Variants in COG6 observed in about 807,000 individuals in gnomAD.
The protein encoded by COG6 is conserved oligomeric Golgi complex subunit 6.
In COG6, 74 loss-of-function variants were observed where a neutral mutation model predicts 88.8. That is an observed-to-expected ratio of 0.83 (90% CI 0.69 to 1.01). The LOEUF (loss-of-function observed/expected upper bound fraction) is 1.01. Among genes scored for constraint, COG6 ranks in the 50% least tolerant of loss-of-function variants. The probability of loss-of-function intolerance (pLI) is 0.00; values close to 1 mark genes in which losing one functional copy is unlikely to be tolerated. For synonymous variants in COG6, 286 were observed against 278.7 expected, an observed-to-expected ratio of 1.03 and a Z score of -0.26; for missense variants, 800 against 797.9, an observed-to-expected ratio of 1.00 and a Z score of -0.03.
At chr13:39,777,444 A>G (rs1881497515) in intron 18 of COG6, among the ~76,000 whole-genome samples, 1 of 152,186 alleles carries the variant, frequency 6.6e-6, no homozygotes, top group South Asian at 2.1e-4. Flanking sequence ...GAAACTACAT[A>G]AAGTTTAATG....
At chr13:39,662,892 GTTTC>G (rs1874998949) in intron 3 of COG6, among the ~76,000 whole-genome samples, 1 of 151,910 alleles carries the variant, frequency 6.6e-6, no homozygotes, top group African/African-American at 2.4e-5. Flanking sequence ...AAAGAAAAGT[GTTTC>G]TTAGAGTATC....
intron 13 of COG6, 102 bp from the exon 14 acceptor site, chr13:39,719,134 T>G (rs1246429178): frequency 9.2e-7 from 1 of 1,090,628 alleles, no homozygotes; most frequent in Non-Finnish European, 1.3e-6. Context: ...TGTGAGTCTG[T>G]GCTTTATAAC....
intron 13 of COG6, among the ~76,000 whole-genome samples, chr13:39,706,279 T>TATACTCCTATA (rs1877917992): frequency 1.9e-5 from 1 of 51,298 alleles, no homozygotes; most frequent in Non-Finnish European, 4.6e-5. Flanking sequence ...ATATATATAT[T>TATACTCCTATA]TAAATATATA....
intron 18 of COG6, among the ~76,000 whole-genome samples, chr13:39,786,280 C>T (rs768836227): frequency 1.3e-5 from 2 of 152,144 alleles, no homozygotes; most frequent in South Asian, 2.1e-4. Context: ...CAGACCTCTG[C>T]GGCAGCATGA....
At chr13:39,728,853 T>G (rs1472327046) in intron 18 of COG6, among the ~76,000 whole-genome samples, 2 of 151,906 alleles carry the variant, frequency 1.3e-5, no homozygotes, top group East Asian at 3.9e-4. Flanking sequence ...TTAGTAGAGA[T>G]GGGGTGTCAC....
intron 18 of COG6, among the ~76,000 whole-genome samples, chr13:39,732,836 A>T (rs909473491): frequency 6.6e-6 from 1 of 152,186 alleles, no homozygotes; most frequent in African/African-American, 2.4e-5. Context: ...TAAAAGGGGA[A>T]TTTTTTCTAA....
At chr13:39,723,611 G>A (rs1305843039) in intron 16 of COG6, among the ~76,000 whole-genome samples, 171 bp downstream of exon 16, 10 of 151,924 alleles carry the variant, frequency 6.6e-5, no homozygotes, top group Non-Finnish European at 2.9e-5. Flanking sequence ...GGTAATAATA[G>A]TATCTGTGTC....
intron 18 of COG6, among the ~76,000 whole-genome samples, chr13:39,761,049 C>T (rs1880993930): frequency 6.6e-6 from 1 of 151,782 alleles, no homozygotes; most frequent in Non-Finnish European, 1.5e-5. Flanking sequence ...TATATTTCTT[C>T]AACAGCTATT....
At chr13:39,753,506 A>G (rs367962923), downstream of COG6, among the ~76,000 whole-genome samples, 1 of 152,308 alleles carries the variant, frequency 6.6e-6, no homozygotes, top group South Asian at 2.1e-4. Context: ...GAGGACTTTT[A>G]CACCCACATT....
intron 18 of COG6, among the ~76,000 whole-genome samples, chr13:39,742,745 C>T (rs551286181): frequency 5.8e-4 from 89 of 152,296 alleles, no homozygotes; most frequent in African/African-American, 2.1e-3. Flanking sequence ...ACCTCTACAG[C>T]AAGCAGACCT....
At chr13:39,767,558 C>A (rs1289603963) in intron 18 of COG6, among the ~76,000 whole-genome samples, 1 of 152,136 alleles carries the variant, frequency 6.6e-6, no homozygotes, top group Non-Finnish European at 1.5e-5. Context: ...CACATGTTAG[C>A]AAAGAAGGGC....
chr13:39,754,818 A>G (rs964294094), downstream of COG6, among the ~76,000 whole-genome samples: 2 of 152,214 alleles, frequency 1.3e-5, no homozygotes, highest in Non-Finnish European at 2.9e-5. Context: ...GTAAATAAAC[A>G]TCATGAAATT....
At chr13:39,678,366 ACC>A (rs1876102701) in intron 5 of COG6, among the ~76,000 whole-genome samples, 1 of 152,112 alleles carries the variant, frequency 6.6e-6, no homozygotes, top group African/African-American at 2.4e-5. Context: ...GAGCCATAGT[ACC>A]TACCCACACA....
downstream of COG6, among the ~76,000 whole-genome samples, chr13:39,755,789 CTG>C (rs1345483933): frequency 6.6e-6 from 1 of 152,210 alleles, no homozygotes; most frequent in Admixed American, 6.5e-5. Context: ...TCAGCAAAGA[CTG>C]AGCAATTTTT....
At chr13:39,760,420 CAGACAAAGATATAAG>C (rs1880975199) in intron 18 of COG6, among the ~76,000 whole-genome samples, 1 of 151,930 alleles carries the variant, frequency 6.6e-6, no homozygotes, top group Non-Finnish European at 1.5e-5. Flanking sequence ...GATTCTTTTA[CAGACAAAGATATAAG>C]CAAGCCAAGC....
chr13:39,746,162 A>G (rs1370401389), intron 18 of COG6, among the ~76,000 whole-genome samples: 1 of 151,968 alleles, frequency 6.6e-6, no homozygotes, highest in African/African-American at 2.4e-5. Flanking sequence ...CAGCAAACCA[A>G]CATGGCACGT....
intron 3 of COG6, among the ~76,000 whole-genome samples, chr13:39,663,822 A>G (rs905318234): frequency 2.6e-5 from 4 of 151,598 alleles, no homozygotes; most frequent in Admixed American, 6.6e-5. Flanking sequence ...CAGGAGGTCA[A>G]GGCTGCAGTG....
chr13:39,743,809 A>T, intron 18 of COG6, among the ~76,000 whole-genome samples: 1 of 152,182 alleles, frequency 6.6e-6, no homozygotes, highest in East Asian at 1.9e-4. Context: ...AAAAAAGAGA[A>T]TTTTAGACCA....
chr13:39,714,611 G>GA (rs200122953), intron 13 of COG6, among the ~76,000 whole-genome samples: 297 of 146,248 alleles, frequency 2.0e-3, no homozygotes, highest in African/African-American at 5.4e-3. Context: ...ATTAAAAAGT[G>GA]AAAAAAAAAA....
Sources: gnomAD v4.1 joint callset for allele counts (sites outside exome capture counted in the v4.1 genomes callset) on GRCh38, gnomAD v4.1.1 for gene constraint, MANE v1.5 for transcripts, NCBI Gene and HGNC (gene_info 2026-07-23, HGNC 2026-07-21) for gene names.